The following NLGN4X variants were observed in gnomAD, a reference collection of about 807,000 sequenced individuals.
NLGN4X encodes the protein neuroligin 4 X-linked, also known as neuroligin-4, X-linked.
Under a neutral mutation model 40.3 loss-of-function variants are expected in NLGN4X, and 3 were observed. The ratio of observed to expected loss-of-function variants is 0.07; its 90% CI spans 0.03 to 0.19. The LOEUF (loss-of-function observed/expected upper bound fraction) is 0.19. Among genes scored for constraint, NLGN4X ranks in the 10% least tolerant of loss-of-function variants. NLGN4X has a pLI of 1.00. For missense variants in NLGN4X, 382 were observed against 708.3 expected (o/e 0.54, Z 5.23); for synonymous variants, 270 against 306.8 (o/e 0.88, Z 1.25).
At chrX:5,966,825 T>C (rs186380288) in intron 3 of NLGN4X, among the ~76,000 whole-genome samples, 3 of 111,881 alleles carry the variant, frequency 2.7e-5, no homozygotes, top group East Asian at 5.6e-4. Flanking sequence ...ATTTGGGAAA[T>C]TGGCTTTAAC....
rs186892133 is a variant in NLGN4X at position 6,163,007 on chromosome X, C to T, written c.-305-11236G>A. Among the ~76,000 whole-genome samples the T allele has an allele frequency of 1.2e-4, 13 of 111,320 alleles. No individual in the cohort carries two copies. The East Asian group carries it at 3.7e-3, about 31-fold the overall frequency. On this transcript the variant is annotated intron_variant, in intron 1 of 5. Transcript: ENST00000381095. ...AGAGGGCAGTTTCCCCCATACTGTT[C>T]TCGTGATAGTAAGTCTCATGAGATC...
intron 3 of NLGN4X, among the ~76,000 whole-genome samples, chrX:5,927,282 A>G (rs1470188930): frequency 8.9e-6 from 1 of 111,930 alleles, no homozygotes. Flanking sequence ...AGTTTCAGGA[A>G]GGAACGAAAA....
intron 3 of NLGN4X, among the ~76,000 whole-genome samples, chrX:5,965,126 T>C (rs1445858549): frequency 8.9e-6 from 1 of 111,801 alleles, no homozygotes; most frequent in Non-Finnish European, 1.9e-5. Flanking sequence ...TTAAATTGAA[T>C]GGCTTATCAA....
intron 3 of NLGN4X, among the ~76,000 whole-genome samples, chrX:5,970,844 T>C (rs2035001844): frequency 8.9e-6 from 1 of 111,951 alleles, no homozygotes; most frequent in Non-Finnish European, 1.9e-5. Flanking sequence ...ATTAGACTAA[T>C]GATGACAGGG....
At position 5,890,729 on chromosome X, in the gene NLGN4X, T is replaced by G; in HGVS notation, c.*2088A>C. 1 of 308,074 alleles carries G rather than the reference T, an allele frequency of 3.2e-6. No individual in the cohort carries two copies. The highest frequency in any genetic ancestry group is 6.2e-6 in the Non-Finnish European group (1 of 161,527). 25.4% of individuals were successfully genotyped at this position (308,074 alleles called of 1,213,427 possible). On this transcript the variant is annotated 3_prime_UTR_variant, in exon 6 of 6. Coordinates refer to ENST00000381095, the MANE Select transcript of NLGN4X (RefSeq NM_181332.3). ...GAAATGTTGCTTCACGTGTGCTAAGTTGAGATAATAATATTTCACATATTT... is the reference window on the plus strand; with the variant it reads ...GAAATGTTGCTTCACGTGTGCTAAGGTGAGATAATAATATTTCACATATTT...
intron 2 of NLGN4X, among the ~76,000 whole-genome samples, chrX:6,079,897 T>G: frequency 9.0e-6 from 1 of 111,078 alleles, no homozygotes; most frequent in Non-Finnish European, 1.9e-5. Flanking sequence ...ACAGCTGTAT[T>G]AATTCACCCC....
At chrX:6,176,269 C>T (rs1165431544) in intron 1 of NLGN4X, among the ~76,000 whole-genome samples, 1 of 112,424 alleles carries the variant, frequency 8.9e-6, no homozygotes, top group African/African-American at 3.2e-5. Flanking sequence ...TGCCTAGCTT[C>T]CCTGTGTACA....
At chrX:6,156,937 CA>C (rs1003868511) in intron 1 of NLGN4X, among the ~76,000 whole-genome samples, 7 of 109,830 alleles carry the variant, frequency 6.4e-5, no homozygotes, top group South Asian at 3.9e-4. Context: ...GGTATACACA[CA>C]AAAAAAATTT....
intron 3 of NLGN4X, among the ~76,000 whole-genome samples, chrX:5,918,364 T>C (rs1376072337): frequency 8.9e-6 from 1 of 111,893 alleles, no homozygotes; most frequent in Admixed American, 9.5e-5. Flanking sequence ...GAACTAGAAT[T>C]CATATTAGAT....
chrX:6,201,034 A>AG (rs1252305575), intron 1 of NLGN4X, among the ~76,000 whole-genome samples: 1 of 110,782 alleles, frequency 9.0e-6, no homozygotes, highest in East Asian at 2.8e-4. Flanking sequence ...CCCTCGAGGT[A>AG]GGTACTCTTC....
At chrX:6,204,104 T>C (rs1602416524) in intron 1 of NLGN4X, among the ~76,000 whole-genome samples, 1 of 112,498 alleles carries the variant, frequency 8.9e-6, no homozygotes, top group Non-Finnish European at 1.9e-5. Flanking sequence ...CAAAGTAAGA[T>C]GTCAGTACAT....
intron 2 of NLGN4X, among the ~76,000 whole-genome samples, chrX:6,070,401 C>T (rs2038029946): frequency 9.0e-6 from 1 of 111,513 alleles, no homozygotes; most frequent in Admixed American, 9.6e-5. Flanking sequence ...TCCACAATTT[C>T]CTGAACATTA....
chrX:5,931,304 A>G (rs1218856676), intron 3 of NLGN4X, among the ~76,000 whole-genome samples: 1 of 112,593 alleles, frequency 8.9e-6, no homozygotes, highest in Non-Finnish European at 1.9e-5. Flanking sequence ...ACGCTGATAA[A>G]TGAGCTGTGA....
At chrX:6,226,214 AC>A (rs1178689756) in intron 1 of NLGN4X, among the ~76,000 whole-genome samples, 4 of 105,548 alleles carry the variant, frequency 3.8e-5, no homozygotes, top group Non-Finnish European at 7.8e-5. Flanking sequence ...TGCCTCCTGC[AC>A]CCCCTCCCCC....
intron 1 of NLGN4X, among the ~76,000 whole-genome samples, chrX:6,175,828 T>G (rs1043041294): frequency 2.7e-5 from 3 of 110,196 alleles, no homozygotes; most frequent in Admixed American, 9.8e-5. Flanking sequence ...TTTACTGGGA[T>G]CCAAGCCCCC....
rs73455136 is a variant in NLGN4X at position 6,183,899 on chromosome X, T to C, written c.-305-32128A>G. Among the ~76,000 whole-genome samples the C allele has an allele frequency of 5.8e-3, 647 of 112,444 alleles. 7 individuals carry two copies. Among genetic ancestry groups the C allele is most frequent in the African/African-American group, 0.02 (632 of 30,979 alleles). On this transcript the variant is annotated intron_variant, in intron 1 of 5. Coordinates refer to ENST00000381095, the MANE Select transcript of NLGN4X (RefSeq NM_181332.3). Reference sequence around the variant, plus strand: ...CTGAGTGTTAGCAAAATGTGTCCAGTATTCTAGTTACACTTTAAGTAAAAT... The same window carrying C: ...CTGAGTGTTAGCAAAATGTGTCCAGCATTCTAGTTACACTTTAAGTAAAAT...
intron 3 of NLGN4X, among the ~76,000 whole-genome samples, chrX:5,936,106 CATT>C (rs1459015394): frequency 1.8e-5 from 2 of 111,678 alleles, no homozygotes; most frequent in Non-Finnish European, 3.8e-5. Context: ...TGTTATGAAA[CATT>C]ATCTGATAAG....
At chrX:6,138,910 G>C (rs2039883335) in intron 2 of NLGN4X, among the ~76,000 whole-genome samples, 2 of 109,883 alleles carry the variant, frequency 1.8e-5, no homozygotes, top group Non-Finnish European at 3.8e-5. Flanking sequence ...AAAAAAAAAA[G>C]TATAAAATGC....
At chrX:5,943,096 C>T (rs778257225) in intron 3 of NLGN4X, among the ~76,000 whole-genome samples, 4 of 111,169 alleles carry the variant, frequency 3.6e-5, no homozygotes, top group African/African-American at 6.5e-5. Flanking sequence ...TCCAGACAAG[C>T]CATGCAACTT....
Sources: allele counts gnomAD v4.1 joint callset (sites outside exome capture counted in the v4.1 genomes callset), GRCh38; gene constraint gnomAD v4.1.1; transcripts MANE v1.5; gene names NCBI Gene and HGNC (gene_info 2026-07-23, HGNC 2026-07-21).